Variants in TOM1L2 observed in about 807,000 individuals in gnomAD.
TOM1L2 encodes the protein TOM1-like protein 2.
A neutral mutation model predicts 67.9 loss-of-function variants in TOM1L2; 31 were observed. The observed-to-expected ratio is 0.46, with a 90% confidence interval of 0.34 to 0.62. The LOEUF is 0.62. Ranked by LOEUF, TOM1L2 falls within the 20% of genes least tolerant of loss-of-function variation. The probability of loss-of-function intolerance (pLI) is 0.01; values close to 1 mark genes in which losing one functional copy is unlikely to be tolerated. For missense variants in TOM1L2, 606 were observed against 663.5 expected (o/e 0.91, Z 0.95); for synonymous variants, 256 against 254.0 (o/e 1.01, Z -0.07).
rs1260008859 is a variant in TOM1L2, at chr17:17,844,480, G to T, written c.*3155C>A. 1.3e-5 allele frequency: 2 copies of T among 152,384 alleles called. No homozygotes were observed. The highest frequency in any genetic ancestry group is 2.9e-5 in the Non-Finnish European group (2 of 68,132). The allele number at this position is 152,384 out of a possible 1,614,324, so 9.4% of individuals were successfully genotyped here. ...TGAACCAAGGCACCATCACTCACAT[G>T]GAGGCGCTAATAGAAAGACAGGAGG... On this transcript the variant is annotated 3_prime_UTR_variant, in exon 15 of 15. Coordinates refer to ENST00000379504, the MANE Select transcript of TOM1L2 (RefSeq NM_001082968.2).
At chr17:17,925,275 T>C (rs888248540) in intron 1 of TOM1L2, among the ~76,000 whole-genome samples, 1 of 151,956 alleles carries the variant, frequency 6.6e-6, no homozygotes, top group Non-Finnish European at 1.5e-5. Context: ...TAAAACCATA[T>C]AGAAACATTT....
chr17:17,949,738 G>A (rs1400340507), intron 1 of TOM1L2, among the ~76,000 whole-genome samples: 2 of 152,220 alleles, frequency 1.3e-5, no homozygotes, highest in East Asian at 3.8e-4. Flanking sequence ...ACAGTCCAGT[G>A]GCCAGAAGGC....
At chr17:17,903,485 C>T (rs575188500) in intron 2 of TOM1L2, among the ~76,000 whole-genome samples, 62 of 151,924 alleles carry the variant, frequency 4.1e-4, no homozygotes, top group African/African-American at 1.5e-3. Flanking sequence ...TGGTGGCGGG[C>T]GCCTGTAGTC....
At chr17:17,891,706 T>C (rs114397219) in intron 4 of TOM1L2, among the ~76,000 whole-genome samples, 236 of 151,972 alleles carry the variant, frequency 1.6e-3, no homozygotes, top group African/African-American at 5.4e-3. Flanking sequence ...CCTGGGGGTA[T>C]TGAGGTAGGG....
intron 11 of TOM1L2, 95 bp downstream of exon 11, chr17:17,862,636 A>G (rs1451485081): frequency 9.7e-7 from 1 of 1,026,562 alleles, no homozygotes; most frequent in African/African-American, 1.6e-5. Flanking sequence ...AGTCCTGGAC[A>G]TGGTAAATAA....
intron 7 of TOM1L2, among the ~76,000 whole-genome samples, chr17:17,878,676 A>G (rs1029207536): frequency 2.0e-5 from 3 of 152,266 alleles, no homozygotes; most frequent in African/African-American, 7.2e-5. Flanking sequence ...CAGCAGCAGC[A>G]GCAGGTGTAT....
intron 1 of TOM1L2, among the ~76,000 whole-genome samples, chr17:17,928,703 T>C (rs1464793737): frequency 1.3e-5 from 2 of 152,196 alleles, no homozygotes; most frequent in Non-Finnish European, 1.5e-5. Context: ...CTGCCTTCCC[T>C]GATGCACCAT....
chr17:17,897,989 G>A (rs531072823), intron 3 of TOM1L2, among the ~76,000 whole-genome samples: 3 of 149,768 alleles, frequency 2.0e-5, no homozygotes, highest in Non-Finnish European at 3.0e-5. Flanking sequence ...GCAGTGGTGC[G>A]ATCTCAGCTC....
chr17:17,944,264 A>AGGATGCTGAGCAAAG (rs958894366), intron 1 of TOM1L2, among the ~76,000 whole-genome samples: 6 of 152,270 alleles, frequency 3.9e-5, no homozygotes, highest in Non-Finnish European at 7.3e-5. Context: ...TGAGGACGGC[A>AGGATGCTGAGCAAAG]GGATGCTGAG....
In TOM1L2 at chr17:17,914,970, A is replaced by G. The variant is rs941425862; in HGVS notation, c.53-7439T>C. Among the ~76,000 whole-genome samples the G allele has an allele frequency of 8.5e-5, 13 of 152,198 alleles. No individual in the cohort carries two copies. The South Asian group carries it at 2.1e-3, about 24-fold the overall frequency. On this transcript the variant is annotated intron_variant, in intron 1 of 14. Transcript: ENST00000379504. ...TGCACAAATGTTTTGAGCAACAGCT[A>G]TATTTTTGGAGTGTGCTGTCACTGC...
At chr17:17,972,157 A>C in intron 1 of TOM1L2, 105 bp downstream of exon 1, 1 of 1,422,942 alleles carries the variant, frequency 7.0e-7, no homozygotes, top group Non-Finnish European at 9.6e-7. Flanking sequence ...GCGGAGGCCC[A>C]GCCCGCTCGT....
At chr17:17,906,593 G>C (rs1169840092) in intron 2 of TOM1L2, among the ~76,000 whole-genome samples, 1 of 152,204 alleles carries the variant, frequency 6.6e-6, no homozygotes, top group Non-Finnish European at 1.5e-5. Flanking sequence ...CAAGGGGAAG[G>C]AATCTATCTT....
intron 4 of TOM1L2, among the ~76,000 whole-genome samples, chr17:17,892,590 C>T (rs1289348727): frequency 6.6e-6 from 1 of 152,170 alleles, no homozygotes; most frequent in African/African-American, 2.4e-5. Flanking sequence ...GGGCATCCTT[C>T]TGGTCCCATC....
chr17:17,907,610 A>G, intron 1 of TOM1L2, 79 bp from the exon 2 acceptor site: 1 of 1,258,482 alleles, frequency 7.9e-7, no homozygotes, highest in Non-Finnish European at 1.1e-6. Context: ...AGAGACCAGA[A>G]CCACCACATT....
intron 14 of TOM1L2, 79 bp from the exon 15 acceptor site, chr17:17,847,862 C>A: frequency 2.5e-6 from 4 of 1,594,568 alleles, no homozygotes; most frequent in Non-Finnish European, 3.4e-6. Context: ...ACTCCCCAGC[C>A]CGTTTCCTCC....
intron 14 of TOM1L2, among the ~76,000 whole-genome samples, chr17:17,848,318 G>A (rs773805032): frequency 8.5e-5 from 13 of 152,220 alleles, no homozygotes; most frequent in Non-Finnish European, 1.2e-4. Flanking sequence ...GAGGACAGGA[G>A]CACGGAGAGG....
chr17:17,905,089 G>A (rs1341552991), intron 2 of TOM1L2, among the ~76,000 whole-genome samples: 3 of 152,332 alleles, frequency 2.0e-5, no homozygotes, highest in South Asian at 2.1e-4. Context: ...GTAGCCACTC[G>A]GAGCCCAGTG....
chr17:17,915,533 G>T (rs116435662), intron 1 of TOM1L2, among the ~76,000 whole-genome samples: 569 of 151,942 alleles, frequency 3.7e-3, no homozygotes, highest in African/African-American at 0.013. Flanking sequence ...TAAGAGACAG[G>T]ATCTCACTTT....
chr17:17,908,660 T>C (rs771517270), intron 1 of TOM1L2, among the ~76,000 whole-genome samples: 2 of 152,048 alleles, frequency 1.3e-5, no homozygotes, highest in Non-Finnish European at 2.9e-5. Flanking sequence ...AGAAGATATA[T>C]AAATGACTAA....
Sources: allele counts gnomAD v4.1 joint callset (sites outside exome capture counted in the v4.1 genomes callset), GRCh38; gene constraint gnomAD v4.1.1; transcripts MANE v1.5; gene names NCBI Gene and HGNC (gene_info 2026-07-23, HGNC 2026-07-21).